SND1: variants seen among roughly 807,000 people sequenced by gnomAD.
SND1 encodes staphylococcal nuclease domain-containing protein 1.
Under a neutral mutation model 121.7 loss-of-function variants are expected in SND1, and 38 were observed. The ratio of observed to expected loss-of-function variants is 0.31; its 90% CI spans 0.24 to 0.41. The LOEUF is 0.41. Ranked by LOEUF, SND1 falls within the 10% of genes least tolerant of loss-of-function variation. The pLI, the probability that SND1 is intolerant of heterozygous loss-of-function variation, is 1.00. For missense variants in SND1, 868 were observed against 1,184.6 expected (o/e 0.73, Z 3.92); for synonymous variants, 401 against 447.4 (o/e 0.90, Z 1.31).
intron 1 of SND1, among the ~76,000 whole-genome samples, chr7:127,662,919 AT>A (rs1795342054): frequency 7.0e-6 from 1 of 143,484 alleles, no homozygotes; most frequent in African/African-American, 2.6e-5. Context: ...TTGAGACAGA[AT>A]CTCTCTGTCA....
intron 16 of SND1, among the ~76,000 whole-genome samples, chr7:127,996,517 A>G (rs1802661282): frequency 6.6e-6 from 1 of 152,102 alleles, no homozygotes. Context: ...GGAGACCCAC[A>G]AGAGAGGGAA....
intron 15 of SND1, among the ~76,000 whole-genome samples, chr7:127,943,452 G>C (rs1283433144): frequency 6.6e-6 from 1 of 152,196 alleles, no homozygotes; most frequent in Non-Finnish European, 1.5e-5. Context: ...TCCTACGAAC[G>C]TGGTCCATTT....
At chr7:127,851,612 TGGAATG>T (rs1799166100) in intron 12 of SND1, among the ~76,000 whole-genome samples, 1 of 152,222 alleles carries the variant, frequency 6.6e-6, no homozygotes, top group Non-Finnish European at 1.5e-5. Flanking sequence ...CAAGTATTAG[TGGAATG>T]CTTGGTATGT....
At chr7:127,775,437 A>G (rs879318725) in intron 10 of SND1, among the ~76,000 whole-genome samples, 1 of 152,010 alleles carries the variant, frequency 6.6e-6, no homozygotes, top group Non-Finnish European at 1.5e-5. Context: ...TTTTAAGCAA[A>G]TATCACATAT....
At chr7:127,782,762 C>G (rs1482705087) in intron 10 of SND1, among the ~76,000 whole-genome samples, 3 of 152,166 alleles carry the variant, frequency 2.0e-5, no homozygotes, top group Admixed American at 6.5e-5. Flanking sequence ...TTCTGGCCAT[C>G]ATGAGTAGCT....
At chr7:127,869,710 A>T (rs1799543149) in intron 12 of SND1, among the ~76,000 whole-genome samples, 1 of 152,304 alleles carries the variant, frequency 6.6e-6, no homozygotes, top group East Asian at 1.9e-4. Context: ...GTGTCTTTGT[A>T]TAGTTCTATG....
At chr7:127,721,961 T>C (rs1796502903) in intron 10 of SND1, among the ~76,000 whole-genome samples, 1 of 152,184 alleles carries the variant, frequency 6.6e-6, no homozygotes, top group African/African-American at 2.4e-5. Flanking sequence ...GGTATATCAT[T>C]TTTGAGAAAT....
intron 9 of SND1, among the ~76,000 whole-genome samples, chr7:127,720,281 T>G (rs1056207075): frequency 6.6e-6 from 1 of 152,218 alleles, no homozygotes; most frequent in Admixed American, 6.5e-5. Flanking sequence ...GTTTGTTCAG[T>G]CTGGTAGCTC....
At chr7:127,766,207 T>C (rs1797407068) in intron 10 of SND1, among the ~76,000 whole-genome samples, 2 of 152,168 alleles carry the variant, frequency 1.3e-5, no homozygotes, top group Non-Finnish European at 2.9e-5. Flanking sequence ...AAGACTAAGC[T>C]CTTACCACAC....
At chr7:127,738,994 T>A (rs1796829154) in intron 10 of SND1, among the ~76,000 whole-genome samples, 1 of 152,016 alleles carries the variant, frequency 6.6e-6, no homozygotes, top group Admixed American at 6.6e-5. Context: ...GCACAGGAAG[T>A]GTGAGTGGAG....
intron 1 of SND1, among the ~76,000 whole-genome samples, chr7:127,655,338 CTT>C (rs1795192445): frequency 6.6e-6 from 1 of 152,162 alleles, no homozygotes; most frequent in African/African-American, 2.4e-5. Context: ...TTGTAAAACA[CTT>C]TGACCAATTT....
chr7:128,030,778 G>A (rs1488031991), intron 16 of SND1: 8 of 1,117,666 alleles, frequency 7.2e-6, no homozygotes, highest in South Asian at 3.6e-5. Flanking sequence ...TTAGAGAGAC[G>A]GAGCGGATCG....
chr7:127,707,813 T>TGTGTGTGTG (rs1796228407), intron 9 of SND1, among the ~76,000 whole-genome samples, 166 bp downstream of exon 9: 2 of 91,704 alleles, frequency 2.2e-5, no homozygotes, highest in South Asian at 3.1e-4. Context: ...GTGTGTGTGT[T>TGTGTGTGTG]TATTGTAGGG....
intron 14 of SND1, among the ~76,000 whole-genome samples, chr7:127,909,616 C>T (rs1203221382): frequency 6.6e-6 from 1 of 152,098 alleles, no homozygotes; most frequent in Non-Finnish European, 1.5e-5. Flanking sequence ...CACCATCACA[C>T]CCACAGGATC....
chr7:128,017,893 G>A (rs2116958532), intron 16 of SND1, among the ~76,000 whole-genome samples: 1 of 152,336 alleles, frequency 6.6e-6, no homozygotes, highest in South Asian at 2.1e-4. Context: ...AGTCCTATAG[G>A]CACTGTGGCA....
intron 11 of SND1, among the ~76,000 whole-genome samples, chr7:127,815,576 A>G (rs1180314314): frequency 6.6e-6 from 1 of 152,110 alleles, no homozygotes; most frequent in Non-Finnish European, 1.5e-5. Context: ...GAAAGAGACC[A>G]TGTGACAGTG....
intron 12 of SND1, among the ~76,000 whole-genome samples, chr7:127,853,751 T>G (rs1799217975): frequency 6.6e-6 from 1 of 152,098 alleles, no homozygotes; most frequent in African/African-American, 2.4e-5. Flanking sequence ...TTATTTAAGG[T>G]TTTCTGTGCA....
intron 10 of SND1, among the ~76,000 whole-genome samples, chr7:127,766,393 CTT>C (rs1234078685): frequency 3.9e-5 from 6 of 152,330 alleles, no homozygotes; most frequent in Non-Finnish European, 7.3e-5. Flanking sequence ...GATATCAACT[CTT>C]TGCTTTCCAG....
At chr7:127,700,020 T>TAA (rs1484460734) in intron 4 of SND1, among the ~76,000 whole-genome samples, 1 of 152,250 alleles carries the variant, frequency 6.6e-6, no homozygotes, top group African/African-American at 2.4e-5. Context: ...TTTGTTGAAT[T>TAA]AAGATACTTG....
Sources: allele counts gnomAD v4.1 joint callset (sites outside exome capture counted in the v4.1 genomes callset), GRCh38; gene constraint gnomAD v4.1.1; transcripts MANE v1.5; gene names NCBI Gene and HGNC (gene_info 2026-07-23, HGNC 2026-07-21).